ZNF791: variants seen among roughly 807,000 people sequenced by gnomAD.
The protein encoded by ZNF791 is zinc finger protein 791.
ZNF791 carries 4 observed loss-of-function variants against 11.5 expected under a neutral mutation model. The observed-to-expected ratio is 0.35, with a 90% CI of 0.17 to 0.80. The LOEUF (loss-of-function observed/expected upper bound fraction) is 0.80, where lower values mean the gene tolerates loss of function less well. ZNF791 is among the 30% of genes least tolerant of loss of function. The pLI, the probability that ZNF791 is intolerant of heterozygous loss-of-function variation, is 0.53. For synonymous variants in ZNF791, 212 were observed against 228.1 expected (o/e 0.93, Z 0.64); for missense variants, 559 against 699.4 (o/e 0.80, Z 2.26).
chr19:12,622,809 C>T (rs2023374336), intron 1 of ZNF791, among the ~76,000 whole-genome samples: 1 of 149,856 alleles, frequency 6.7e-6, no homozygotes, highest in Admixed American at 6.8e-5. Flanking sequence ...CAGAGAATTG[C>T]TTAAACCTGG....
In ZNF791 at chr19:12,628,643, C is replaced by T. The variant is rs564633424; in HGVS notation, c.1114C>T (p.Arg372Ter). The T allele has an allele frequency of 4.4e-6, 7 of 1,605,444 alleles. No homozygotes were observed. Among genetic ancestry groups the T allele is most frequent in the Middle Eastern group, 3.3e-4 (2 of 6,006 alleles). ...AGCCTTTAGTAGAATCAGTTACTTT[C>T]GAATACATGAAAGGACTCACACTGG... ...GKAFSRISYFRIHERTHTGEK... is the reference protein window; with the variant it reads ...GKAFSRISYF The change falls in exon 4 of 4, where the codon CGA (arginine) becomes TGA (stop). Residue 372 changes from arginine to a stop codon, truncating the protein, a stop_gained. Coordinates refer to ENST00000343325, the MANE Select transcript of ZNF791 (RefSeq NM_153358.3). LOFTEE classifies it low-confidence loss of function (END_TRUNC).
At chr19:12,616,648 G>A (rs1377122012) in intron 1 of ZNF791, among the ~76,000 whole-genome samples, 1 of 152,000 alleles carries the variant, frequency 6.6e-6, no homozygotes, top group African/African-American at 2.4e-5. Context: ...AGCCGAGATT[G>A]CACCACTGCA....
At chr19:12,621,502 C>T (rs986503787) in intron 1 of ZNF791, among the ~76,000 whole-genome samples, 6 of 136,484 alleles carry the variant, frequency 4.4e-5, no homozygotes, top group African/African-American at 2.6e-5. Flanking sequence ...ATATATATAT[C>T]GGAAACAAGT....
chr19:12,615,486 A>G (rs1036282546), intron 1 of ZNF791, among the ~76,000 whole-genome samples: 1 of 152,070 alleles, frequency 6.6e-6, no homozygotes, highest in Non-Finnish European at 1.5e-5. Flanking sequence ...ATATTTCATC[A>G]TAAGATTGTA....
intron 3 of ZNF791, among the ~76,000 whole-genome samples, chr19:12,627,002 G>C (rs1251401290): frequency 6.6e-6 from 1 of 152,070 alleles, no homozygotes; most frequent in Non-Finnish European, 1.5e-5. Context: ...GCAACAAGAC[G>C]AGACCCTGTC....
intron 1 of ZNF791, among the ~76,000 whole-genome samples, chr19:12,612,073 C>T (rs1287862437): frequency 6.6e-6 from 1 of 152,124 alleles, no homozygotes; most frequent in African/African-American, 2.4e-5. Flanking sequence ...TTTCTCAGGT[C>T]TGTTCTTTTA....
chr19:12,612,993 A>T (rs1289348298), intron 1 of ZNF791, among the ~76,000 whole-genome samples: 1 of 151,560 alleles, frequency 6.6e-6, no homozygotes, highest in Non-Finnish European at 1.5e-5. Flanking sequence ...GTGTGTTTTT[A>T]GACATTACAT....
rs2023484504 is a variant in ZNF791 at position 12,630,098 on chromosome 19, T to A, written c.*838T>A. ...TTGCCTGAGCCCAGGAGTTCAAGGC[T>A]ACAGTGAACCAAGATCACGTGATGG... is the stretch of plus-strand genomic sequence containing the variant. On this transcript the variant is annotated 3_prime_UTR_variant, in exon 4 of 4. Transcript: ENST00000343325. 6.8e-6 allele frequency: 1 copy of A among 147,592 alleles called. No homozygotes were observed. Among genetic ancestry groups the A allele is most frequent in the African/African-American group, 2.5e-5 (1 of 39,652 alleles). The allele number at this position is 147,592 out of a possible 1,614,324, so 9.1% of individuals were successfully genotyped here.
rs543572380 is a variant in ZNF791, at chr19:12,618,712, G to A, written c.4-4988G>A. Among the ~76,000 whole-genome samples, 435 of 151,506 alleles carry A rather than the reference G, an allele frequency of 2.9e-3. 6 individuals are homozygous for A. Among genetic ancestry groups the A allele is most frequent in the African/African-American group, 0.01 (415 of 41,342 alleles). Reference sequence around the variant, plus strand: ...CGGGAGGCGGAGGCTGCAGTGAGCCGAGATCATGCCACTGCACTCCACCCT... The same window carrying A: ...CGGGAGGCGGAGGCTGCAGTGAGCCAAGATCATGCCACTGCACTCCACCCT... On this transcript the variant is annotated intron_variant, in intron 1 of 3. Transcript: ENST00000343325.
At position 12,633,338 on chromosome 19, in the gene ZNF791, C is replaced by T. The variant is rs961066891; in HGVS notation, c.*4078C>T. On this transcript the variant is annotated 3_prime_UTR_variant, in exon 4 of 4. Coordinates refer to ENST00000343325, the MANE Select transcript of ZNF791 (RefSeq NM_153358.3). ...TGGACGTGGCCCTCCTGCTACCTGT[C>T]GACACAGGTAAATTTCCTAGAATCT... 1.3e-5 allele frequency: 2 copies of T among 152,024 alleles called. No individual in the cohort carries two copies. The highest frequency in any genetic ancestry group is 2.9e-5 in the Non-Finnish European group (2 of 68,000). The allele number at this position is 152,024 out of a possible 1,614,324, so 9.4% of individuals were successfully genotyped here.
At position 12,628,941 on chromosome 19, in the gene ZNF791, A is replaced by T; in HGVS notation, c.1412A>T (p.Lys471Ile). The part of the protein sequence containing the change: ...THTGEKPYEC[K>I]QCGKAFSCSS... ...ACTGGAGAGAAACCCTATGAATGTAAACAATGTGGAAAAGCCTTTAGTTGT... is the reference window on the plus strand; with the variant it reads ...ACTGGAGAGAAACCCTATGAATGTATACAATGTGGAAAAGCCTTTAGTTGT... Residue 471 changes from lysine (K) to isoleucine (I), a missense_variant, in exon 4 of 4, where the codon AAA becomes ATA. By Grantham distance (102) the Lys-to-Ile change is moderately radical (BLOSUM62 -3). Coordinates refer to ENST00000343325, the MANE Select transcript of ZNF791 (RefSeq NM_153358.3). 1.2e-6 allele frequency: 2 copies of T among 1,613,960 alleles called. No homozygotes were observed. The highest frequency in any genetic ancestry group is 1.7e-6 in the Non-Finnish European group (2 of 1,179,958).
Position 12,629,236 on chromosome 19 carries a change from AC to A in ZNF791, c.1708del (p.His570IlefsTer2), listed in dbSNP as rs1392470422. 16 of 1,493,416 alleles carry A rather than the reference AC, an allele frequency of 1.1e-5. No homozygotes were observed. Among genetic ancestry groups the A allele is most frequent in the South Asian group, 2.9e-5 (2 of 69,126 alleles). 92.5% of individuals were successfully genotyped at this position (1,493,416 alleles called of 1,614,324 possible). On this transcript the variant is annotated frameshift_variant, in exon 4 of 4. Coordinates refer to ENST00000343325, the MANE Select transcript of ZNF791 (RefSeq NM_153358.3). LOFTEE classifies it low-confidence loss of function (END_TRUNC). ...TCAGTGTGTCCACATCCTTAAAAAA[AC>A]ATATGAGAATGCACAATCGATAGAA... ...AFSVSTSLKK[H>X]MRMHNR
intron 1 of ZNF791, 81 bp from the exon 2 acceptor site, chr19:12,623,619 G>A (rs917005558): frequency 7.6e-6 from 12 of 1,584,254 alleles, no homozygotes; most frequent in African/African-American, 2.7e-5. Flanking sequence ...CCACAAAATC[G>A]TGTGTGAATT....
At chr19:12,614,885 G>A (rs1303590833) in intron 1 of ZNF791, among the ~76,000 whole-genome samples, 3 of 75,100 alleles carry the variant, frequency 4.0e-5, no homozygotes, top group South Asian at 5.3e-4. Context: ...GAGCCACTGC[G>A]TCCGGCCTTT....
In ZNF791 at chr19:12,623,848, CTTTTTTCTTTTTTT is replaced by C; in HGVS notation, c.130+29_130+42del. ...ATAGGTAAGGATGACATCATTTTTT[CTTTTTTCTTTTTTT>C]TTTTTTTTGGGGGGGGACAGAGTTT... On this transcript the variant is annotated intron_variant, in intron 2 of 3. Coordinates refer to ENST00000343325, the MANE Select transcript of ZNF791 (RefSeq NM_153358.3). The C allele has an allele frequency of 6.3e-6, 5 of 798,946 alleles. 1 individual carries two copies. The highest frequency in any genetic ancestry group is 8.5e-6 in the Non-Finnish European group (5 of 587,364). The allele number at this position is 798,946 out of a possible 1,614,324, so 49.5% of individuals were successfully genotyped here. A position where few individuals can be genotyped will look rare whatever the true frequency, so the allele number is the denominator to read the frequency against.
intron 1 of ZNF791, among the ~76,000 whole-genome samples, chr19:12,617,136 T>G (rs2023255559): frequency 6.7e-6 from 1 of 150,360 alleles, no homozygotes; most frequent in South Asian, 2.1e-4. Flanking sequence ...TCTTTTTTTT[T>G]TTTTTTTGAG....
chr19:12,617,023 A>G (rs1394673077), intron 1 of ZNF791, among the ~76,000 whole-genome samples: 1 of 140,476 alleles, frequency 7.1e-6, no homozygotes, highest in Non-Finnish European at 1.6e-5. Flanking sequence ...GGTGTATGAG[A>G]GTTTAATAGT....
chr19:12,621,596 G>A (rs2023344566), intron 1 of ZNF791, among the ~76,000 whole-genome samples: 1 of 151,188 alleles, frequency 6.6e-6, no homozygotes, highest in African/African-American at 2.4e-5. Context: ...ACTTCAGGAC[G>A]ATATAGGCAG....
chr19:12,625,071 C>T (rs1361152514), intron 3 of ZNF791, among the ~76,000 whole-genome samples: 1 of 151,654 alleles, frequency 6.6e-6, no homozygotes, highest in East Asian at 1.9e-4. Flanking sequence ...GAAGTTGTGA[C>T]ACTTTTAAAA....
Sources: allele counts gnomAD v4.1 joint callset (sites outside exome capture counted in the v4.1 genomes callset), GRCh38; gene constraint gnomAD v4.1.1; transcripts MANE v1.5; gene names NCBI Gene and HGNC (gene_info 2026-07-23, HGNC 2026-07-21).